Variants in TPMT observed in about 807,000 individuals in gnomAD.
The protein encoded by TPMT is thiopurine S-methyltransferase.
A neutral mutation model predicts 34.2 loss-of-function variants in TPMT; 18 were observed. The ratio of observed to expected loss-of-function variants is 0.53; its 90% CI spans 0.36 to 0.78. The LOEUF (loss-of-function observed/expected upper bound fraction) is 0.78, where lower values mean the gene tolerates loss of function less well. Among genes scored for constraint, TPMT ranks in the 30% least tolerant of loss-of-function variants. The probability of loss-of-function intolerance (pLI) is 0.00; values close to 1 mark genes in which losing one functional copy is unlikely to be tolerated. For missense variants in TPMT, 265 were observed against 288.1 expected (o/e 0.92, Z 0.58); for synonymous variants, 69 against 92.4 (o/e 0.75, Z 1.45).
chr6:18,146,233 CAG>C lies in TPMT; in HGVS notation c.233+1588_233+1589del, dbSNP rs1784245833. The stretch of plus-strand genomic sequence containing the variant: ...TACATATATATATATTTTTTGGAGA[CAG>C]AGTCTCACTCTGTCACCTAGGCTGG... On this transcript the variant is annotated intron_variant, in intron 3 of 8. Transcript: ENST00000309983. This position sits in a 1 kb window ranked among gnomAD's most constrained non-coding sequence, Gnocchi z 6.2. Among the ~76,000 whole-genome samples, 1 of 151,698 alleles carries C rather than the reference CAG, an allele frequency of 6.6e-6. No individual in the cohort carries two copies.
At position 18,143,573 on chromosome 6, in the gene TPMT, T is replaced by C; in HGVS notation, c.366+23A>G. On this transcript the variant is annotated intron_variant, in intron 4 of 8. Transcript: ENST00000309983. The surrounding 1 kb of genome is among the most constrained non-coding windows in gnomAD (Gnocchi z 6.1). The stretch of plus-strand genomic sequence containing the variant: ...ACTTTTGTGGGGATATGGATACAAT[T>C]ATTTACCCAAATCAAAACAAACCTT... The C allele has an allele frequency of 6.2e-7, 1 of 1,611,876 alleles. No homozygotes were observed. Among genetic ancestry groups the C allele is most frequent in the Non-Finnish European group, 8.5e-7 (1 of 1,179,866 alleles).
chr6:18,143,748 T>A lies in TPMT; in HGVS notation c.234-20A>T. On this transcript the variant is annotated intron_variant, in intron 3 of 8. Transcript: ENST00000309983. This position sits in a 1 kb window ranked among gnomAD's most constrained non-coding sequence, Gnocchi z 6.1. ...GCAAACCTGCATAAAATCATACATT[T>A]ACACTTAAATTATGTTTTCAAATGA... is the stretch of plus-strand genomic sequence containing the variant. 2 of 1,613,680 alleles carry A rather than the reference T, an allele frequency of 1.2e-6. No homozygotes were observed. The highest frequency in any genetic ancestry group is 1.7e-6 in the Non-Finnish European group (2 of 1,179,826).
upstream of TPMT, chr6:18,155,092 G>T (rs1582054978): frequency 7.7e-6 from 1 of 130,046 alleles, no homozygotes; most frequent in East Asian, 2.1e-4. This position sits in a 1 kb window ranked among gnomAD's most constrained non-coding sequence, Gnocchi z 6.2. Context: ...CCAGGGGCGG[G>T]TACGCCTCCG....
Position 18,146,579 on chromosome 6 carries a change from T to A in TPMT, c.233+1244A>T, listed in dbSNP as rs987397833. 6.6e-6 allele frequency among the ~76,000 whole-genome samples: 1 copy of A among 152,218 alleles called. No individual in the cohort carries two copies. The highest frequency in any genetic ancestry group is 2.4e-5 in the African/African-American group (1 of 41,458). Reference sequence around the variant, plus strand: ...TGGCTATTTCATACCATTTTCCTAATGTTGCCTCAGAACCTGTTTGTACTA... The same window carrying A: ...TGGCTATTTCATACCATTTTCCTAAAGTTGCCTCAGAACCTGTTTGTACTA... On this transcript the variant is annotated intron_variant, in intron 3 of 8. Transcript: ENST00000309983. The surrounding 1 kb of genome is among the most constrained non-coding windows in gnomAD (Gnocchi z 6.2).
rs1327486001 is a variant in TPMT, at chr6:18,146,127, ACTT to A, written c.233+1693_233+1695del. On this transcript the variant is annotated intron_variant, in intron 3 of 8. Coordinates refer to ENST00000309983, the MANE Select transcript of TPMT (RefSeq NM_000367.5). This position sits in a 1 kb window ranked among gnomAD's most constrained non-coding sequence, Gnocchi z 6.2. ...AAATGAAAAATCATCTACTATCATAACTTCTTAACTTCTTACATGTAATTACAG... is the reference window on the plus strand; with the variant it reads ...AAATGAAAAATCATCTACTATCATAACTTAACTTCTTACATGTAATTACAG... Among the ~76,000 whole-genome samples the A allele has an allele frequency of 3.3e-5, 5 of 152,260 alleles. No homozygotes were observed. The highest frequency in any genetic ancestry group is 3.3e-4 in the Admixed American group (5 of 15,294).
chr6:18,133,456 C>T (rs1030268728), intron 7 of TPMT, among the ~76,000 whole-genome samples: 1 of 152,260 alleles, frequency 6.6e-6, no homozygotes, highest in East Asian at 1.9e-4. Flanking sequence ...ATCACTACCA[C>T]TTGGGTGATA....
Position 18,139,169 on chromosome 6 carries a change from CTAGAGGAA to C in TPMT, c.420-140_420-133del, listed in dbSNP as rs1278172424. ...TAGGATCTCACGTCTGCGTTTCCTCCTAGAGGAATGTGTGGACCTGGGTGTGGAGAGCT... is the reference window on the plus strand; with the variant it reads ...TAGGATCTCACGTCTGCGTTTCCTCCTGTGTGGACCTGGGTGTGGAGAGCT... On this transcript the variant is annotated intron_variant, in intron 5 of 8. Transcript: ENST00000309983. The surrounding 1 kb of genome is among the most constrained non-coding windows in gnomAD (Gnocchi z 4.2). 9 of 850,748 alleles carry C rather than the reference CTAGAGGAA, an allele frequency of 1.1e-5. No individual in the cohort carries two copies. The Admixed American group carries it at 1.8e-4, about 17-fold the overall frequency. 52.7% of individuals were successfully genotyped at this position (850,748 alleles called of 1,614,324 possible).
intron 6 of TPMT, among the ~76,000 whole-genome samples, chr6:18,134,461 C>CAA (rs11390495): frequency 2.0e-5 from 3 of 151,672 alleles, no homozygotes; most frequent in South Asian, 2.1e-4. Flanking sequence ...ACAAGCAGGC[C>CAA]AAAAAAAGGT....
chr6:18,130,808 A>T lies in TPMT; in HGVS notation c.626-28T>A. 1 of 1,551,770 alleles carries T rather than the reference A, an allele frequency of 6.4e-7. No individual in the cohort carries two copies. The highest frequency in any genetic ancestry group is 8.9e-7 in the Non-Finnish European group (1 of 1,123,818). On this transcript the variant is annotated intron_variant, in intron 8 of 8. Coordinates refer to ENST00000309983, the MANE Select transcript of TPMT (RefSeq NM_000367.5). The surrounding 1 kb of genome is among the most constrained non-coding windows in gnomAD (Gnocchi z 4.2). ...GAAACAAGAAAGAGTAACATGTTAA[A>T]ATACTATGAAGAATGACATCAGGGA... is the stretch of plus-strand genomic sequence containing the variant.
In TPMT at chr6:18,143,178, A is replaced by T. The variant is rs1364436603; in HGVS notation, c.366+418T>A. On this transcript the variant is annotated intron_variant, in intron 4 of 8. Transcript: ENST00000309983. This position sits in a 1 kb window ranked among gnomAD's most constrained non-coding sequence, Gnocchi z 6.1. ...CTTAATACCCTGTGTCTTTACACTT[A>T]GCTCCATGCATTACAAATAGCTTTG... Among the ~76,000 whole-genome samples, 1 of 152,122 alleles carries T rather than the reference A, an allele frequency of 6.6e-6. No homozygotes were observed. Among genetic ancestry groups the T allele is most frequent in the Non-Finnish European group, 1.5e-5 (1 of 68,026 alleles).
At position 18,131,311 on chromosome 6, in the gene TPMT, GCT is replaced by G. The variant is rs1561885719; in HGVS notation, c.626-533_626-532del. The stretch of plus-strand genomic sequence containing the variant: ...AATAAATACACCACTGGGCATGGCG[GCT>G]CATGCCTCTAATCCCAGTACTTTGG... On this transcript the variant is annotated intron_variant, in intron 8 of 8. Transcript: ENST00000309983. This position sits in a 1 kb window ranked among gnomAD's most constrained non-coding sequence, Gnocchi z 4.3. Among the ~76,000 whole-genome samples, 1 of 152,148 alleles carries G rather than the reference GCT, an allele frequency of 6.6e-6. No individual in the cohort carries two copies. Among genetic ancestry groups the G allele is most frequent in the Non-Finnish European group, 1.5e-5 (1 of 68,044 alleles).
intron 1 of TPMT, among the ~76,000 whole-genome samples, chr6:18,152,604 T>C (rs1784374092): frequency 6.6e-6 from 1 of 151,480 alleles, no homozygotes; most frequent in Non-Finnish European, 1.5e-5. Flanking sequence ...TTTTTTTTTT[T>C]TGAGATGGAG....
rs1783900945 is a variant in TPMT at position 18,129,759 on chromosome 6, C to T, written c.*909G>A. The T allele has an allele frequency of 6.6e-6, 1 of 152,008 alleles. No homozygotes were observed. Among genetic ancestry groups the T allele is most frequent in the African/African-American group, 2.4e-5 (1 of 41,342 alleles). The allele number at this position is 152,008 out of a possible 1,614,324, so 9.4% of individuals were successfully genotyped here. ...TTCTTAGAATTTGGGAATGTTTGTT[C>T]CATATAGATTGTTTAATTAAAATGT... On this transcript the variant is annotated 3_prime_UTR_variant, in exon 9 of 9. Coordinates refer to ENST00000309983, the MANE Select transcript of TPMT (RefSeq NM_000367.5).
In TPMT at chr6:18,138,650, A is replaced by C. The variant is rs1366199131; in HGVS notation, c.494+313T>G. ...GGTAATATTAGTGGAGGTGGTGATG[A>C]TTGTGTTAGTATTACAGAAATATTC... On this transcript the variant is annotated intron_variant, in intron 6 of 8. Transcript: ENST00000309983. The surrounding 1 kb of genome is among the most constrained non-coding windows in gnomAD (Gnocchi z 4.1). Among the ~76,000 whole-genome samples the C allele has an allele frequency of 1.3e-5, 2 of 152,178 alleles. No individual in the cohort carries two copies. The highest frequency in any genetic ancestry group is 2.4e-5 in the African/African-American group (1 of 41,438).
intron 1 of TPMT, among the ~76,000 whole-genome samples, chr6:18,151,923 C>T (rs923099681): frequency 1.3e-5 from 2 of 152,172 alleles, no homozygotes; most frequent in Non-Finnish European, 2.9e-5. Flanking sequence ...TTAATCCTCA[C>T]GTTTCCTGTA....
At position 18,140,988 on chromosome 6, in the gene TPMT, G is replaced by C. The variant is rs558551623; in HGVS notation, c.367-1271C>G. 6.6e-6 allele frequency among the ~76,000 whole-genome samples: 1 copy of C among 152,316 alleles called. No individual in the cohort carries two copies. Among genetic ancestry groups the C allele is most frequent in the African/African-American group, 2.4e-5 (1 of 41,562 alleles). On this transcript the variant is annotated intron_variant, in intron 4 of 8. Coordinates refer to ENST00000309983, the MANE Select transcript of TPMT (RefSeq NM_000367.5). This position sits in a 1 kb window ranked among gnomAD's most constrained non-coding sequence, Gnocchi z 4.7. Reference sequence around the variant, plus strand: ...CAACCAGCCTGGGATCACTGGGTCAGCCCAGAGATGGGTGGGCCTGGAGGC... The same window carrying C: ...CAACCAGCCTGGGATCACTGGGTCACCCCAGAGATGGGTGGGCCTGGAGGC...
chr6:18,147,739 G>C, intron 3 of TPMT, 84 bp downstream of exon 3: 1 of 1,275,126 alleles, frequency 7.8e-7, no homozygotes, highest in East Asian at 2.3e-5. Flanking sequence ...TGAAAATGGA[G>C]TTTTAAAACT....
Position 18,148,851 on chromosome 6 carries a change from G to T in TPMT, c.140+137C>A. 1.6e-6 allele frequency: 2 copies of T among 1,273,696 alleles called. No individual in the cohort carries two copies. The highest frequency in any genetic ancestry group is 1.3e-5 in the South Asian group (1 of 79,708). The allele number at this position is 1,273,696 out of a possible 1,614,324, so 78.9% of individuals were successfully genotyped here. On this transcript the variant is annotated intron_variant, in intron 2 of 8. Coordinates refer to ENST00000309983, the MANE Select transcript of TPMT (RefSeq NM_000367.5). The surrounding 1 kb of genome is among the most constrained non-coding windows in gnomAD (Gnocchi z 4.1). ...CTACATCATGCCACAGATGCACTGTGACTCGGGAGACACAAAAATGTGAAG... is the reference window on the plus strand; with the variant it reads ...CTACATCATGCCACAGATGCACTGTTACTCGGGAGACACAAAAATGTGAAG...
upstream of TPMT, chr6:18,155,152 TCCGCCCGCGCCCCG>T (rs1784476831): frequency 3.0e-5 from 1 of 33,104 alleles, no homozygotes; most frequent in Admixed American, 2.9e-4. This position sits in a 1 kb window ranked among gnomAD's most constrained non-coding sequence, Gnocchi z 6.2. Flanking sequence ...GCGCCCCGCC[TCCGCCCGCGCCCCG>T]CCTCCGCCCG....
Sources: gnomAD v4.1 joint callset for allele counts (sites outside exome capture counted in the v4.1 genomes callset) on GRCh38, gnomAD v4.1.1 for gene constraint, Gnocchi (gnomAD v3.1) non-coding constraint, MANE v1.5 for transcripts, NCBI Gene and HGNC (gene_info 2026-07-23, HGNC 2026-07-21) for gene names.